Variants in CNTRL observed in about 807,000 individuals in gnomAD.
The protein encoded by CNTRL is 110 kDa centrosomal protein.
A neutral mutation model predicts 303.7 loss-of-function variants in CNTRL; 233 were observed. The observed-to-expected ratio is 0.77, with a 90% CI of 0.69 to 0.86. The LOEUF (loss-of-function observed/expected upper bound fraction) is 0.86, where lower values mean the gene tolerates loss of function less well. CNTRL is among the 40% of genes least tolerant of loss of function. CNTRL has a pLI of 0.00. For synonymous variants in CNTRL, 900 were observed against 922.2 expected, an observed-to-expected ratio of 0.98 and a Z score of 0.44; for missense variants, 2,524 against 2,650.6, an observed-to-expected ratio of 0.95 and a Z score of 1.05.
intron 8 of CNTRL, among the ~76,000 whole-genome samples, chr9:121,112,135 T>C (rs1368351176): frequency 6.6e-6 from 1 of 152,170 alleles, no homozygotes; most frequent in Admixed American, 6.6e-5. Context: ...AGGTATTTAT[T>C]AGGCCAGTTA....
Position 121,166,165 on chromosome 9 carries a change from G to A in CNTRL, c.5640G>A (p.Leu1880=). ...AACTAGCTAATGTCCAAGACCATTT[G>A]AACCTAGCAAAACAGGTAAGGTTAA... ...QEELANVQDH[L]NLAKQDLLHT... is the part of the protein sequence containing the mutation. Residue 1880 remains leucine, a synonymous_variant, in exon 36 of 44, where the codon TTG becomes TTA. Coordinates refer to ENST00000373855, the MANE Select transcript of CNTRL (RefSeq NM_007018.6). The A allele has an allele frequency of 6.2e-7, 1 of 1,611,490 alleles. No homozygotes were observed. The highest frequency in any genetic ancestry group is 8.5e-7 in the Non-Finnish European group (1 of 1,178,858).
chr9:121,087,697 A>C (rs2048401171), intron 2 of CNTRL, among the ~76,000 whole-genome samples: 1 of 152,200 alleles, frequency 6.6e-6, no homozygotes, highest in South Asian at 2.1e-4. Context: ...GTCTCAAAAA[A>C]AATAAAAAAT....
At chr9:121,088,098 C>G (rs895060819) in intron 2 of CNTRL, among the ~76,000 whole-genome samples, 198 bp from the exon 3 acceptor site, 5 of 152,180 alleles carry the variant, frequency 3.3e-5, no homozygotes, top group Non-Finnish European at 2.9e-5. Context: ...ATTCTATCCC[C>G]TCTGGAGATC....
intron 31 of CNTRL, 24 bp from the exon 32 acceptor site, chr9:121,160,119 T>G: frequency 7.0e-7 from 1 of 1,432,998 alleles, no homozygotes; most frequent in Non-Finnish European, 9.2e-7. Flanking sequence ...CAGGAGGGAA[T>G]AACTTTTTTT....
intron 2 of CNTRL, among the ~76,000 whole-genome samples, chr9:121,085,912 G>A (rs1000709282): frequency 1.3e-5 from 2 of 152,156 alleles, no homozygotes; most frequent in Admixed American, 1.3e-4. Flanking sequence ...AGACTCATAG[G>A]CATTGGGAAC....
At position 121,135,899 on chromosome 9, in the gene CNTRL, G is replaced by A; in HGVS notation, c.2119G>A (p.Glu707Lys). 1 of 1,614,082 alleles carries A rather than the reference G, an allele frequency of 6.2e-7. No individual in the cohort carries two copies. ...TQGDLSAYEA[E>K]LEARLNLRDA... is the part of the protein sequence containing the mutation. The stretch of plus-strand genomic sequence containing the variant: ...GGGAGATCTCAGTGCCTATGAAGCT[G>A]AGCTAGAGGCTCGGCTAAACCTAAG... The change falls in exon 15 of 44, where the codon GAG becomes AAG. Residue 707 changes from glutamate to lysine, a missense_variant. Coordinates refer to ENST00000373855, the MANE Select transcript of CNTRL (RefSeq NM_007018.6).
chr9:121,169,566 T>A, intron 38 of CNTRL, 45 bp from the exon 39 acceptor site: 1 of 1,592,974 alleles, frequency 6.3e-7, no homozygotes, highest in Non-Finnish European at 8.6e-7. Flanking sequence ...TGCCCACAGC[T>A]GGCTCGGGGT....
intron 17 of CNTRL, 98 bp downstream of exon 17, chr9:121,140,884 T>C: frequency 7.5e-6 from 9 of 1,206,380 alleles, no homozygotes; most frequent in Non-Finnish European, 1.0e-5. Flanking sequence ...CTAAGTTCTG[T>C]TAATGGCAAA....
At chr9:121,157,318 T>C (rs1280832492) in intron 27 of CNTRL, 152 bp from the exon 28 acceptor site, 1 of 687,940 alleles carries the variant, frequency 1.5e-6, no homozygotes, top group African/African-American at 1.8e-5. Flanking sequence ...TGCTTCTGAA[T>C]TATTTACCGA....
chr9:121,177,459 C>A lies in CNTRL; in HGVS notation c.*273C>A, dbSNP rs1024625285. On this transcript the variant is annotated 3_prime_UTR_variant, in exon 44 of 44. Transcript: ENST00000373855. ...TCTTCGTAACATGTTTAAAAAAAAA[C>A]AGTGATTTTAACTGCATATTTGAAC... 3.1e-4 allele frequency: 112 copies of A among 358,928 alleles called. No individual in the cohort carries two copies. Among genetic ancestry groups the A allele is most frequent in the African/African-American group, 1.8e-3 (84 of 46,364 alleles). 22.2% of individuals were successfully genotyped at this position (358,928 alleles called of 1,614,324 possible).
rs763195608 is a variant in CNTRL, at chr9:121,169,731, CAGAA to C, written c.6202_6205del (p.Lys2068LeufsTer8). 1.4e-5 allele frequency: 23 copies of C among 1,614,156 alleles called. No homozygotes were observed. Among genetic ancestry groups the C allele is most frequent in the East Asian group, 8.9e-5 (4 of 44,882 alleles). ...AGCCTTCTGCGGAACCAGTTCTTGA[CAGAA>C]AGAAAGAAAGCTGAGAAGCAGGTGG... On this transcript the variant is annotated frameshift_variant, in exon 39 of 44. Transcript: ENST00000373855. LOFTEE classifies it high-confidence loss of function.
At chr9:121,087,126 G>C (rs556225938) in intron 2 of CNTRL, among the ~76,000 whole-genome samples, 9 of 152,132 alleles carry the variant, frequency 5.9e-5, no homozygotes, top group African/African-American at 2.2e-4. Context: ...TAATTTGAGA[G>C]GTTATTTGGG....
At chr9:121,106,497 C>T (rs777969933) in intron 7 of CNTRL, among the ~76,000 whole-genome samples, 1 of 151,934 alleles carries the variant, frequency 6.6e-6, no homozygotes, top group Non-Finnish European at 1.5e-5. Context: ...AAGATATGTG[C>T]AGGTGTGGGT....
Position 121,157,891 on chromosome 9 carries a change from C to G in CNTRL, c.4637+11C>G. On this transcript the variant is annotated intron_variant, in intron 29 of 43. Coordinates refer to ENST00000373855, the MANE Select transcript of CNTRL (RefSeq NM_007018.6). ...AAAACTGACAGAAGAGTAAGTAAGG[C>G]CTCTGTAGGGCTACAAGGGGTTTGT... 1 of 1,613,822 alleles carries G rather than the reference C, an allele frequency of 6.2e-7. No homozygotes were observed. Among genetic ancestry groups the G allele is most frequent in the Non-Finnish European group, 8.5e-7 (1 of 1,179,910 alleles).
At chr9:121,116,677 A>G (rs1310034151) in intron 11 of CNTRL, among the ~76,000 whole-genome samples, 1 of 152,134 alleles carries the variant, frequency 6.6e-6, no homozygotes, top group Non-Finnish European at 1.5e-5. Context: ...GGCTGATCCT[A>G]TTTGTCACTT....
chr9:121,118,517 C>T lies in CNTRL; in HGVS notation c.1627C>T (p.Leu543=), dbSNP rs369120228. Residue 543 remains leucine (L), a synonymous_variant, in exon 12 of 44, where the codon CTG becomes TTG. Coordinates refer to ENST00000373855, the MANE Select transcript of CNTRL (RefSeq NM_007018.6). ...IKDLQIAIDS[L]DSKDPKHSHM... is the part of the protein sequence containing the mutation. ...GGACCTGCAAATAGCCATAGATAGC[C>T]TGGATTCCAAAGACCCAAAACATGT... 1 of 1,599,674 alleles carries T rather than the reference C, an allele frequency of 6.3e-7. No individual in the cohort carries two copies.
In CNTRL at chr9:121,138,597, A is replaced by G. The variant is rs1353221839; in HGVS notation, c.2255A>G (p.Lys752Arg). ...AELEKERQAL[K>R]NALGKAQFSE... ...CTTGAGAAGGAAAGGCAAGCCCTCA[A>G]GAATGCCCTTGGAAAAGCCCAGTTC... Residue 752 changes from lysine (K) to arginine (R), a missense_variant, in exon 16 of 44, where the codon AAG (lysine) becomes AGG (arginine). Coordinates refer to ENST00000373855, the MANE Select transcript of CNTRL (RefSeq NM_007018.6). 1 of 1,614,060 alleles carries G rather than the reference A, an allele frequency of 6.2e-7. No homozygotes were observed. Among genetic ancestry groups the G allele is most frequent in the East Asian group, 2.2e-5 (1 of 44,876 alleles).
intron 2 of CNTRL, among the ~76,000 whole-genome samples, chr9:121,081,112 C>A (rs1033733221): frequency 1.3e-5 from 2 of 152,208 alleles, no homozygotes; most frequent in African/African-American, 4.8e-5. Context: ...ATTCCTTCCT[C>A]CTGGGTATTG....
chr9:121,123,113 C>T (rs1293681199), intron 12 of CNTRL, among the ~76,000 whole-genome samples: 3 of 152,140 alleles, frequency 2.0e-5, no homozygotes, highest in Non-Finnish European at 4.4e-5. Flanking sequence ...AAAGGCATTA[C>T]TTATCTACTA....
Sources: gnomAD v4.1 joint callset for allele counts (sites outside exome capture counted in the v4.1 genomes callset) on GRCh38, gnomAD v4.1.1 for gene constraint, MANE v1.5 for transcripts, NCBI Gene and HGNC (gene_info 2026-07-23, HGNC 2026-07-21) for gene names.